The following DCC variants were observed in gnomAD, a reference collection of about 807,000 sequenced individuals.
DCC encodes the protein netrin receptor DCC.
A neutral mutation model predicts 172.5 loss-of-function variants in DCC; 58 were observed. The ratio of observed to expected loss-of-function variants is 0.34; its 90% confidence interval spans 0.27 to 0.42. DCC has a LOEUF of 0.42. Ranked by LOEUF, DCC falls within the 10% of genes least tolerant of loss-of-function variation. The probability of loss-of-function intolerance (pLI) is 1.00; values close to 1 mark genes in which losing one functional copy is unlikely to be tolerated. For synonymous variants in DCC, 709 were observed against 644.5 expected, an observed-to-expected ratio of 1.10 and a Z score of -1.52; for missense variants, 1,740 against 1,791.0, an observed-to-expected ratio of 0.97 and a Z score of 0.51.
chr18:52,831,454 G>T (rs2038612206), intron 2 of DCC, among the ~76,000 whole-genome samples: 2 of 152,152 alleles, frequency 1.3e-5, no homozygotes, highest in Non-Finnish European at 2.9e-5. Context: ...TTAAGCTGTT[G>T]CAACAATCCA....
At chr18:53,033,734 G>C (rs189954683) in intron 5 of DCC, among the ~76,000 whole-genome samples, 1 of 152,040 alleles carries the variant, frequency 6.6e-6, no homozygotes, top group East Asian at 1.9e-4. Context: ...TGCACTTTTT[G>C]AACTCCCTTT....
chr18:52,392,233 G>A (rs985548018), intron 1 of DCC, among the ~76,000 whole-genome samples: 1 of 152,210 alleles, frequency 6.6e-6, no homozygotes. Flanking sequence ...GGTTCTTGAT[G>A]TGCAATTTAG....
chr18:52,775,151 C>A (rs1391149823), intron 2 of DCC, among the ~76,000 whole-genome samples: 1 of 151,806 alleles, frequency 6.6e-6, no homozygotes, highest in Non-Finnish European at 1.5e-5. Flanking sequence ...CCAGTTGAAA[C>A]GGGAAAGGTT....
At chr18:53,163,214 C>A (rs1251257359) in intron 8 of DCC, among the ~76,000 whole-genome samples, 1 of 152,152 alleles carries the variant, frequency 6.6e-6, no homozygotes, top group East Asian at 1.9e-4. Context: ...ATAAACTGAT[C>A]AGAACTGATA....
chr18:53,406,712 AAAAAGAAAG>A (rs1909678959), intron 19 of DCC, among the ~76,000 whole-genome samples: 1 of 114,852 alleles, frequency 8.7e-6, no homozygotes, highest in African/African-American at 2.9e-5. Flanking sequence ...TCAAAAAAAA[AAAAAGAAAG>A]AAAGAAAAAA....
intron 8 of DCC, 86 bp from the exon 9 acceptor site, chr18:53,178,876 C>T (rs2055150362): frequency 1.4e-6 from 2 of 1,448,416 alleles, no homozygotes; most frequent in Admixed American, 1.7e-5. Flanking sequence ...TTTTGGTTCA[C>T]CTCACTACTC....
At chr18:52,731,569 G>T (rs2036643013) in intron 1 of DCC, among the ~76,000 whole-genome samples, 1 of 152,146 alleles carries the variant, frequency 6.6e-6, no homozygotes, top group Admixed American at 6.6e-5. Flanking sequence ...AAGCATTTCT[G>T]CATAGACATA....
At chr18:53,523,917 G>C (rs1192788149) in intron 27 of DCC, among the ~76,000 whole-genome samples, 2 of 151,670 alleles carry the variant, frequency 1.3e-5, no homozygotes, top group African/African-American at 4.8e-5. Flanking sequence ...AAAGAAGGGG[G>C]AGGCAGGAGA....
intron 2 of DCC, among the ~76,000 whole-genome samples, chr18:52,883,526 A>G (rs2145409162): frequency 6.6e-6 from 1 of 151,974 alleles, no homozygotes; most frequent in East Asian, 1.9e-4. Flanking sequence ...ACTATCTTAT[A>G]ACTCACTCTT....
At chr18:53,511,221 C>T (rs994117321) in intron 27 of DCC, among the ~76,000 whole-genome samples, 6 of 152,174 alleles carry the variant, frequency 3.9e-5, no homozygotes, top group Non-Finnish European at 7.4e-5. Flanking sequence ...ATAATAGAGA[C>T]AAGGTACTGA....
intron 12 of DCC, among the ~76,000 whole-genome samples, chr18:53,216,309 C>G (rs944978980): frequency 6.6e-6 from 1 of 152,142 alleles, no homozygotes; most frequent in Non-Finnish European, 1.5e-5. Context: ...CCTGTCACCA[C>G]CTGGCCACTA....
intron 25 of DCC, among the ~76,000 whole-genome samples, chr18:53,469,514 A>G (rs1005511083): frequency 2.6e-5 from 4 of 152,178 alleles, no homozygotes; most frequent in Admixed American, 2.6e-4. Flanking sequence ...GAAGAAAAGA[A>G]AAGCATTCAG....
rs1207683741 is a variant in DCC, at chr18:53,535,841, T to A, written c.*5188T>A. ...TAGAACAGTCTCATATTCATTTTTT[T>A]ATAGAAATGTTATTCCAATGGTGCA... On this transcript the variant is annotated 3_prime_UTR_variant, in exon 29 of 29. Transcript: ENST00000442544. 6.6e-6 allele frequency: 1 copy of A among 152,248 alleles called. No homozygotes were observed. Among genetic ancestry groups the A allele is most frequent in the African/African-American group, 2.4e-5 (1 of 41,468 alleles). The allele number at this position is 152,248 out of a possible 1,614,324, so 9.4% of individuals were successfully genotyped here. A position where few individuals can be genotyped will look rare whatever the true frequency, so the allele number is the denominator to read the frequency against.
At chr18:53,526,277 G>A (rs1295040338) in intron 27 of DCC, among the ~76,000 whole-genome samples, 1 of 152,058 alleles carries the variant, frequency 6.6e-6, no homozygotes, top group Non-Finnish European at 1.5e-5. Flanking sequence ...GGGCTTTCTG[G>A]CCCTAAGCCG....
chr18:53,034,878 CTT>C (rs1347013458), intron 5 of DCC, among the ~76,000 whole-genome samples: 5 of 152,008 alleles, frequency 3.3e-5, no homozygotes, highest in Admixed American at 3.3e-4. Context: ...ACATTCCTGA[CTT>C]GAGATTTGCT....
chr18:53,034,097 A>G (rs1487313251), intron 5 of DCC, among the ~76,000 whole-genome samples: 1 of 151,902 alleles, frequency 6.6e-6, no homozygotes, highest in South Asian at 2.1e-4. Context: ...TTTGAGAGAG[A>G]AGATGATATT....
At chr18:52,969,741 A>G (rs1454448391) in intron 5 of DCC, among the ~76,000 whole-genome samples, 1 of 152,002 alleles carries the variant, frequency 6.6e-6, no homozygotes, top group Non-Finnish European at 1.5e-5. Flanking sequence ...ATTTTTCAGG[A>G]TAGGCTGAAA....
At chr18:53,257,165 C>T (rs2056528739) in intron 12 of DCC, among the ~76,000 whole-genome samples, 1 of 152,146 alleles carries the variant, frequency 6.6e-6, no homozygotes, top group African/African-American at 2.4e-5. Context: ...CAAACAGGGA[C>T]AATTGGACTT....
intron 5 of DCC, among the ~76,000 whole-genome samples, chr18:53,052,359 CTTAAA>C (rs1420144200): frequency 6.6e-6 from 1 of 151,990 alleles, no homozygotes. Context: ...TTCTTTGTTT[CTTAAA>C]TTAAATCTCT....
Sources: gnomAD v4.1 joint callset for allele counts (sites outside exome capture counted in the v4.1 genomes callset) on GRCh38, gnomAD v4.1.1 for gene constraint, MANE v1.5 for transcripts, NCBI Gene and HGNC (gene_info 2026-07-23, HGNC 2026-07-21) for gene names.